TRMT9B: variants seen among roughly 807,000 people sequenced by gnomAD.
The protein encoded by TRMT9B is probable tRNA methyltransferase 9B.
Under a neutral mutation model 11.5 loss-of-function variants are expected in TRMT9B, and 16 were observed. The ratio of observed to expected loss-of-function variants is 1.39; its 90% CI spans 0.94 to 2.11. TRMT9B has a LOEUF of 2.11. TRMT9B is among the 30% of genes most tolerant of loss of function. The pLI, the probability that TRMT9B is intolerant of heterozygous loss-of-function variation, is 0.00. For missense variants in TRMT9B, 941 were observed against 553.8 expected, an observed-to-expected ratio of 1.70 and a Z score of -7.02; for synonymous variants, 274 against 192.4, an observed-to-expected ratio of 1.42 and a Z score of -3.51.
intron 1 of TRMT9B, chr8:12,951,556 G>A (rs968577057): frequency 6.6e-6 from 1 of 152,228 alleles, no homozygotes; most frequent in African/African-American, 2.4e-5. Context: ...GCACGTTCGG[G>A]CGGGGCGATT....
intron 1 of TRMT9B, among the ~76,000 whole-genome samples, chr8:12,946,864 G>T (rs1800292538): frequency 6.6e-6 from 1 of 152,172 alleles, no homozygotes. Flanking sequence ...TATTCCCAAT[G>T]CCAGGAAGTT....
At chr8:12,971,903 G>A (rs558456694) in intron 1 of TRMT9B, among the ~76,000 whole-genome samples, 95 of 152,128 alleles carry the variant, frequency 6.2e-4, no homozygotes, top group Admixed American at 1.1e-3. Context: ...GCAGAACATA[G>A]CATCAGTGAA....
At position 13,028,281 on chromosome 8, in the gene TRMT9B, T is replaced by A. The variant is rs1460733430; in HGVS notation, c.*6237T>A. 6.0e-6 allele frequency: 1 copy of A among 167,104 alleles called. No homozygotes were observed. Among genetic ancestry groups the A allele is most frequent in the Non-Finnish European group, 1.5e-5 (1 of 68,120 alleles). The allele number at this position is 167,104 out of a possible 1,614,324, so 10.4% of individuals were successfully genotyped here. A position where few individuals can be genotyped will look rare whatever the true frequency, so the allele number is the denominator to read the frequency against. On this transcript the variant is annotated 3_prime_UTR_variant, in exon 5 of 5. Transcript: ENST00000524591. ...TATCTTACCAATCTGATGGACCATT[T>A]GTAAGAGCTGTTTGTCAAATTGGAT...
At chr8:13,000,304 C>G (rs1244316984) in intron 2 of TRMT9B, among the ~76,000 whole-genome samples, 1 of 152,180 alleles carries the variant, frequency 6.6e-6, no homozygotes, top group Admixed American at 6.5e-5. Flanking sequence ...GGAAGGAAAA[C>G]TAAACATTTG....
chr8:12,991,971 A>G (rs1041856501), intron 2 of TRMT9B, among the ~76,000 whole-genome samples: 1 of 152,230 alleles, frequency 6.6e-6, no homozygotes, highest in Non-Finnish European at 1.5e-5. Flanking sequence ...GCAGCAAATC[A>G]GAAAACACAA....
intron 3 of TRMT9B, chr8:13,011,820 A>G (rs867774075): frequency 1.5e-5 from 14 of 962,698 alleles, no homozygotes; most frequent in Non-Finnish European, 1.7e-5. Flanking sequence ...GTAGCAATGA[A>G]TAGAGATTGG....
intron 2 of TRMT9B, among the ~76,000 whole-genome samples, chr8:12,995,153 G>T (rs1489672560): frequency 1.3e-5 from 2 of 152,102 alleles, no homozygotes; most frequent in African/African-American, 4.8e-5. Flanking sequence ...ATAATAAACT[G>T]CAACACAATA....
chr8:12,957,383 C>T (rs1024883303), intron 1 of TRMT9B, among the ~76,000 whole-genome samples: 2 of 152,012 alleles, frequency 1.3e-5, no homozygotes, highest in African/African-American at 4.8e-5. Flanking sequence ...GTGCTCTAAT[C>T]AGTGTTCATG....
At position 13,021,824 on chromosome 8, in the gene TRMT9B, T is replaced by A. The variant is rs374798959; in HGVS notation, c.1145T>A (p.Val382Asp). 19 of 1,613,724 alleles carry A rather than the reference T, an allele frequency of 1.2e-5. No homozygotes were observed. In the African/African-American group the frequency reaches 2.3e-4, roughly 19 times the overall value. Reference protein sequence around the residue: ...ASKILRRISAVDSTDFNPDDT... With the variant: ...ASKILRRISADDSTDFNPDDT... ...AAAATATTGAGAAGGATTTCTGCAG[T>A]TGATTCCACAGATTTCAACCCAGAT... Residue 382 changes from valine (V) to aspartate (D), a missense_variant, in exon 5 of 5, where the codon GTT becomes GAT. Physicochemically the swap from Val to Asp is radical, Grantham distance 152. Transcript: ENST00000524591.
chr8:12,999,956 T>C (rs904921410), intron 2 of TRMT9B, among the ~76,000 whole-genome samples: 1 of 152,350 alleles, frequency 6.6e-6, no homozygotes, highest in East Asian at 1.9e-4. Context: ...GGAACTTATA[T>C]GGTAACAAGT....
In TRMT9B at chr8:13,015,246, G is replaced by A. The variant is rs549405661; in HGVS notation, c.328+2389G>A. Among the ~76,000 whole-genome samples, 43 of 149,156 alleles carry A rather than the reference G, an allele frequency of 2.9e-4. 2 individuals are homozygous for A. The South Asian group carries it at 8.7e-3, about 30-fold the overall frequency. The stretch of plus-strand genomic sequence containing the variant: ...TTTTTATTTTTATTTTTTATTTTTC[G>A]AAGCAATGTTTTTTTAGATGTCTTG... On this transcript the variant is annotated intron_variant, in intron 4 of 4. Transcript: ENST00000524591.
intron 4 of TRMT9B, among the ~76,000 whole-genome samples, chr8:13,016,892 T>A (rs753775392): frequency 1.3e-5 from 2 of 150,198 alleles, no homozygotes; most frequent in African/African-American, 4.9e-5. Flanking sequence ...TTTGGGAGAC[T>A]GAGGCAGGCG....
At position 13,021,745 on chromosome 8, in the gene TRMT9B, G is replaced by A. The variant is rs374077582; in HGVS notation, c.1066G>A (p.Gly356Ser). Residue 356 changes from glycine to serine, a missense_variant, in exon 5 of 5, where the codon GGT becomes AGT. Transcript: ENST00000524591. ...AAATTTTCTGGATAGCACTAATACT[G>A]GTGTGAATTGTGTGGATGCAGGCAA... is the stretch of plus-strand genomic sequence containing the variant. The part of the protein sequence containing the change: ...GGNFLDSTNT[G>S]VNCVDAGNIE... The A allele has an allele frequency of 1.2e-6, 2 of 1,613,916 alleles. No homozygotes were observed. The highest frequency in any genetic ancestry group is 3.3e-5 in the Admixed American group (2 of 60,006).
In TRMT9B at chr8:13,012,799, T is replaced by A. The variant is rs760306719; in HGVS notation, c.270T>A (p.Cys90Ter). ...ARNRGCEAMVCDNLNLPFRDE... is the reference protein window; with the variant it reads ...ARNRGCEAMV Reference sequence around the variant, plus strand: ...ATAGAGGATGTGAAGCCATGGTATGTGACAACCTTAATCTCCCCTTTAGGG... The same window carrying A: ...ATAGAGGATGTGAAGCCATGGTATGAGACAACCTTAATCTCCCCTTTAGGG... The change falls in exon 4 of 5, where the codon TGT (cysteine) becomes TGA (stop). Residue 90 changes from cysteine (C) to a stop codon, truncating the protein, a stop_gained. Coordinates refer to ENST00000524591, the MANE Select transcript of TRMT9B (RefSeq NM_020844.3). LOFTEE classifies it high-confidence loss of function. The A allele has an allele frequency of 1.2e-6, 2 of 1,613,958 alleles. No individual in the cohort carries two copies. Among genetic ancestry groups the A allele is most frequent in the South Asian group, 2.2e-5 (2 of 91,082 alleles).
Position 13,023,158 on chromosome 8 carries a change from T to G in TRMT9B, c.*1114T>G, listed in dbSNP as rs558537696. The G allele has an allele frequency of 6.0e-6, 1 of 167,222 alleles. No homozygotes were observed. Among genetic ancestry groups the G allele is most frequent in the East Asian group, 1.9e-4 (1 of 5,190 alleles). 10.4% of individuals were successfully genotyped at this position (167,222 alleles called of 1,614,324 possible). A position where few individuals can be genotyped will look rare whatever the true frequency, so the allele number is the denominator to read the frequency against. On this transcript the variant is annotated 3_prime_UTR_variant, in exon 5 of 5. Transcript: ENST00000524591. ...TAGCAAGATTGTTATCAATCATGCTTATTAGAAGGATGAATATCCAAGACC... is the reference window on the plus strand; with the variant it reads ...TAGCAAGATTGTTATCAATCATGCTGATTAGAAGGATGAATATCCAAGACC...
chr8:12,990,955 G>C lies in TRMT9B; in HGVS notation c.-78G>C, dbSNP rs973113592. On this transcript the variant is annotated 5_prime_UTR_variant, in exon 2 of 5. Transcript: ENST00000524591. ...ATTGAGAAAGTTATGAGAAGCAACTGTCACTCTCTGGAGGTGGAGACTGCC... is the reference window on the plus strand; with the variant it reads ...ATTGAGAAAGTTATGAGAAGCAACTCTCACTCTCTGGAGGTGGAGACTGCC... The C allele has an allele frequency of 1.6e-6, 2 of 1,288,848 alleles. No individual in the cohort carries two copies. Among genetic ancestry groups the C allele is most frequent in the Non-Finnish European group, 2.0e-6 (2 of 988,382 alleles). The allele number at this position is 1,288,848 out of a possible 1,614,324, so 79.8% of individuals were successfully genotyped here. A position where few individuals can be genotyped will look rare whatever the true frequency, so the allele number is the denominator to read the frequency against.
At chr8:12,973,973 A>T (rs1227257193) in intron 1 of TRMT9B, among the ~76,000 whole-genome samples, 1 of 152,150 alleles carries the variant, frequency 6.6e-6, no homozygotes, top group Non-Finnish European at 1.5e-5. Flanking sequence ...CAGCCTGAGC[A>T]TTATAGTGAG....
chr8:13,013,714 A>T (rs1812089839), intron 4 of TRMT9B, among the ~76,000 whole-genome samples: 1 of 152,144 alleles, frequency 6.6e-6, no homozygotes, highest in South Asian at 2.1e-4. Flanking sequence ...ACCCTTTGGG[A>T]GGCCGAAGTG....
intron 4 of TRMT9B, among the ~76,000 whole-genome samples, chr8:13,018,537 C>G (rs367797564): frequency 6.6e-6 from 1 of 151,904 alleles, no homozygotes; most frequent in Non-Finnish European, 1.5e-5. Flanking sequence ...TTATACCACC[C>G]CCCAAAAAAT....
Sources: gnomAD v4.1 joint callset for allele counts (sites outside exome capture counted in the v4.1 genomes callset) on GRCh38, gnomAD v4.1.1 for gene constraint, MANE v1.5 for transcripts, NCBI Gene and HGNC (gene_info 2026-07-23, HGNC 2026-07-21) for gene names.